SEC63: variants seen among roughly 807,000 people sequenced by gnomAD.
SEC63 encodes SEC63 protein translocation regulator, also known as translocation protein SEC63 homolog.
A neutral mutation model predicts 116.2 loss-of-function variants in SEC63; 56 were observed. The observed-to-expected ratio is 0.48, with a 90% confidence interval of 0.39 to 0.60. The LOEUF (loss-of-function observed/expected upper bound fraction) is 0.60, where lower values mean the gene tolerates loss of function less well. Ranked by LOEUF, SEC63 falls within the 20% of genes least tolerant of loss-of-function variation. The pLI is 0.00. For missense variants in SEC63, 668 were observed against 900.0 expected, an observed-to-expected ratio of 0.74 and a Z score of 3.30; for synonymous variants, 273 against 294.6, an observed-to-expected ratio of 0.93 and a Z score of 0.75.
intron 6 of SEC63, 128 bp downstream of exon 6, chr6:107,912,588 T>G: frequency 1.6e-6 from 1 of 643,586 alleles, no homozygotes; most frequent in Non-Finnish European, 2.9e-6. Flanking sequence ...CTGTCTCAAA[T>G]GAATGAATGA....
At chr6:107,924,010 A>G (rs1583759928) in intron 3 of SEC63, among the ~76,000 whole-genome samples, 3 of 152,272 alleles carry the variant, frequency 2.0e-5, no homozygotes, top group South Asian at 2.1e-4. Context: ...CACGCCTGTA[A>G]TCCCAGCACT....
At chr6:107,877,632 G>C (rs1341211560) in intron 18 of SEC63, among the ~76,000 whole-genome samples, 1 of 152,048 alleles carries the variant, frequency 6.6e-6, no homozygotes, top group Non-Finnish European at 1.5e-5. Context: ...GTAGAAACAA[G>C]ATTTCATTTA....
intron 11 of SEC63, 78 bp downstream of exon 11, chr6:107,904,551 A>G: frequency 8.6e-7 from 1 of 1,156,274 alleles, no homozygotes. Flanking sequence ...GAGTACCCAT[A>G]AATCCTAAAA....
intron 18 of SEC63, chr6:107,877,078 T>C (rs1157519246): frequency 1.1e-5 from 2 of 182,706 alleles, no homozygotes; most frequent in South Asian, 1.1e-4. Context: ...TGTGTATATA[T>C]ATATATATAC....
At chr6:107,873,467 A>T (rs1238899757) in intron 19 of SEC63, among the ~76,000 whole-genome samples, 1 of 152,198 alleles carries the variant, frequency 6.6e-6, no homozygotes, top group Non-Finnish European at 1.5e-5. Context: ...TTCTCTGGTG[A>T]TCTGCTCTAG....
intron 1 of SEC63, among the ~76,000 whole-genome samples, chr6:107,943,776 T>C (rs1583776394): frequency 6.6e-6 from 1 of 152,258 alleles, no homozygotes; most frequent in East Asian, 1.9e-4. Context: ...AAAAGTGCAG[T>C]GAAGCACGTA....
At position 107,904,699 on chromosome 6, in the gene SEC63, C is replaced by T. The variant is rs752413509; in HGVS notation, c.984G>A (p.Lys328=). The change falls in exon 11 of 21, where the codon AAG becomes AAA. Residue 328 remains lysine (K), a synonymous_variant. Transcript: ENST00000369002. ...CCATTTCTTGAAGTAGGGCAGGACA[C>T]TTTTTTAGCATGAATTGCTGATCTG... ...LEEDQQFMLK[K]CPALLQEMVN... 1 of 1,613,474 alleles carries T rather than the reference C, an allele frequency of 6.2e-7. No homozygotes were observed. The highest frequency in any genetic ancestry group is 8.5e-7 in the Non-Finnish European group (1 of 1,179,438).
intron 11 of SEC63, among the ~76,000 whole-genome samples, chr6:107,904,283 G>A (rs1442906045): frequency 3.3e-5 from 5 of 151,216 alleles, no homozygotes; most frequent in African/African-American, 4.9e-5. Context: ...GGTGGTACGC[G>A]CCTGTAATCC....
chr6:107,893,155 C>G (rs1329029936), intron 16 of SEC63, among the ~76,000 whole-genome samples: 3 of 140,170 alleles, frequency 2.1e-5, no homozygotes, highest in South Asian at 2.3e-4. Context: ...CACACACACA[C>G]AGAATGAACT....
In SEC63 at chr6:107,893,873, T is replaced by G. The variant is rs1057116120; in HGVS notation, c.1465A>C (p.Ile489Leu). ...MAEVFEKEQS[I>L]CAAEEQPAED... The stretch of plus-strand genomic sequence containing the variant: ...GCTGGCTGTTCCTCTGCAGCACAGA[T>G]GGACTGCTCCTTTTCAAATACTTCC... The change falls in exon 15 of 21, where the codon ATC (isoleucine) becomes CTC (leucine). Residue 489 changes from isoleucine to leucine, a missense_variant. By Grantham distance (5) the Ile-to-Leu change is conservative. Coordinates refer to ENST00000369002, the MANE Select transcript of SEC63 (RefSeq NM_007214.5). The G allele has an allele frequency of 1.2e-6, 2 of 1,614,030 alleles. No individual in the cohort carries two copies. The highest frequency in any genetic ancestry group is 1.7e-6 in the Non-Finnish European group (2 of 1,180,026).
intron 7 of SEC63, among the ~76,000 whole-genome samples, chr6:107,909,723 C>T (rs1446838547): frequency 6.6e-6 from 1 of 152,140 alleles, no homozygotes; most frequent in Non-Finnish European, 1.5e-5. Flanking sequence ...CAAATGTAGG[C>T]ATAATTTTAC....
At chr6:107,946,918 C>G (rs1030843307) in intron 1 of SEC63, among the ~76,000 whole-genome samples, 4 of 152,118 alleles carry the variant, frequency 2.6e-5, no homozygotes, top group Non-Finnish European at 5.9e-5. Context: ...GCAGGAGAAT[C>G]ACTTGAACCC....
Position 107,957,920 on chromosome 6 carries a change from C to T in SEC63, c.90G>A (p.Ala30=). ...GATCTCGGGGCCAGAGGTAGTATGTCGCCGGGATCACGATGAGCCCCACGA... is the reference window on the plus strand; with the variant it reads ...GATCTCGGGGCCAGAGGTAGTATGTTGCCGGGATCACGATGAGCCCCACGA... ...TSFVGLIVIP[A]TYYLWPRDQN... The change falls in exon 1 of 21, where the codon GCG becomes GCA. Residue 30 remains alanine (A), a synonymous_variant. Transcript: ENST00000369002. The T allele has an allele frequency of 6.2e-7, 1 of 1,613,186 alleles. No homozygotes were observed.
chr6:107,874,464 C>T (rs535754657), intron 19 of SEC63, among the ~76,000 whole-genome samples: 26 of 151,644 alleles, frequency 1.7e-4, no homozygotes, highest in South Asian at 8.4e-4. Flanking sequence ...GGTGCAGTGG[C>T]GGGCGTCTGT....
rs1264339139 is a variant in SEC63, at chr6:107,871,836, A to G, written c.2151T>C (p.His717=). ...DQIKPLKLEV[H]EAKPVPENHP... ...GATTTTCTGGCACAGGCTTAGCCTC[A>G]TGAACTTCCAACTAGAAAGAAGAAT... is the stretch of plus-strand genomic sequence containing the variant. The change falls in exon 21 of 21, where the codon CAT becomes CAC. Residue 717 remains histidine, a synonymous_variant. Transcript: ENST00000369002. 6.2e-7 allele frequency: 1 copy of G among 1,613,676 alleles called. No individual in the cohort carries two copies. The highest frequency in any genetic ancestry group is 1.1e-5 in the South Asian group (1 of 91,076).
intron 14 of SEC63, among the ~76,000 whole-genome samples, chr6:107,895,860 T>TG (rs1554233985): frequency 2.9e-5 from 3 of 103,674 alleles, no homozygotes; most frequent in Non-Finnish European, 5.9e-5. Flanking sequence ...GCACCTCTAT[T>TG]AAAAAAAAAA....
In SEC63 at chr6:107,923,153, AT is replaced by A. The variant is rs200407116; in HGVS notation, c.340-1245del. ...AACATTCTACTGATAAACACAAAAG[AT>A]TTTTTTTTTGAGACAGTCTTGCTCT... is the stretch of plus-strand genomic sequence containing the variant. On this transcript the variant is annotated intron_variant, in intron 3 of 20. Coordinates refer to ENST00000369002, the MANE Select transcript of SEC63 (RefSeq NM_007214.5). Among the ~76,000 whole-genome samples the A allele has an allele frequency of 2.3e-3, 341 of 150,772 alleles. 1 individual carries two copies. The highest frequency in any genetic ancestry group is 2.6e-3 in the Non-Finnish European group (177 of 67,558).
At chr6:107,935,133 C>T (rs1384123505) in intron 1 of SEC63, among the ~76,000 whole-genome samples, 2 of 146,822 alleles carry the variant, frequency 1.4e-5, no homozygotes, top group East Asian at 2.1e-4. Flanking sequence ...GGGTCAGCCC[C>T]CCGCCCAGCC....
chr6:107,912,512 GA>G (rs771584759), intron 6 of SEC63, among the ~76,000 whole-genome samples: 52 of 152,198 alleles, frequency 3.4e-4, no homozygotes, highest in Non-Finnish European at 6.2e-4. Flanking sequence ...TTGAACCCAG[GA>G]GGCAGAGGTT....
Sources: gnomAD v4.1 joint callset for allele counts (sites outside exome capture counted in the v4.1 genomes callset) on GRCh38, gnomAD v4.1.1 for gene constraint, MANE v1.5 for transcripts, NCBI Gene and HGNC (gene_info 2026-07-23, HGNC 2026-07-21) for gene names.